The following TULP4 variants were observed in gnomAD, a reference collection of about 807,000 sequenced individuals.
The protein encoded by TULP4 is tubby-related protein 4.
TULP4 carries 16 observed loss-of-function variants against 129.0 expected under a neutral mutation model. The ratio of observed to expected loss-of-function variants is 0.12; its 90% confidence interval spans 0.08 to 0.19. TULP4 has a LOEUF of 0.19. TULP4 is among the 10% of genes least tolerant of loss of function. The pLI, the probability that TULP4 is intolerant of heterozygous loss-of-function variation, is 1.00. For missense variants in TULP4, 1,842 were observed against 2,059.1 expected, an observed-to-expected ratio of 0.89 and a Z score of 2.04; for synonymous variants, 998 against 854.0, an observed-to-expected ratio of 1.17 and a Z score of -2.94.
intron 1 of TULP4, among the ~76,000 whole-genome samples, chr6:158,397,368 G>T (rs1159735996): frequency 2.6e-5 from 4 of 152,210 alleles, no homozygotes; most frequent in African/African-American, 4.8e-5. Flanking sequence ...AATAGAGTAT[G>T]CGTGGAGACC....
intron 2 of TULP4, among the ~76,000 whole-genome samples, chr6:158,415,459 C>T (rs1394907189): frequency 6.6e-6 from 1 of 150,904 alleles, no homozygotes; most frequent in Non-Finnish European, 1.5e-5. Flanking sequence ...ACGCCATTCT[C>T]CTGCTTCAGC....
chr6:158,242,766 C>G (rs997642736), intron 1 of TULP4: 1 of 412,974 alleles, frequency 2.4e-6, no homozygotes, highest in Non-Finnish European at 4.6e-6. Flanking sequence ...CTGGCCGTAC[C>G]GGTTCACTTC....
At chr6:158,325,541 A>G (rs1779726598) in intron 1 of TULP4, among the ~76,000 whole-genome samples, 2 of 151,824 alleles carry the variant, frequency 1.3e-5, no homozygotes, top group Admixed American at 1.3e-4. Context: ...TTTAGTAGAG[A>G]CGGGATTTCA....
intron 1 of TULP4, among the ~76,000 whole-genome samples, chr6:158,387,799 A>T (rs550445265): frequency 6.6e-6 from 1 of 152,270 alleles, no homozygotes; most frequent in South Asian, 2.1e-4. Flanking sequence ...GATGAGCAAG[A>T]CTCTAAAGCC....
intron 1 of TULP4, among the ~76,000 whole-genome samples, chr6:158,299,048 A>G (rs887465008): frequency 6.6e-6 from 1 of 152,018 alleles, no homozygotes; most frequent in African/African-American, 2.4e-5. Flanking sequence ...TCCCCTTCCC[A>G]TACTTGCAGT....
At chr6:158,353,485 A>G (rs1583786684) in intron 1 of TULP4, among the ~76,000 whole-genome samples, 1 of 152,224 alleles carries the variant, frequency 6.6e-6, no homozygotes, top group East Asian at 1.9e-4. Flanking sequence ...AGGACAATAC[A>G]CATTTATATA....
At chr6:158,271,228 G>A (rs537691403) in intron 1 of TULP4, among the ~76,000 whole-genome samples, 3 of 151,688 alleles carry the variant, frequency 2.0e-5, no homozygotes, top group South Asian at 4.2e-4. Flanking sequence ...GCTCTGTTGA[G>A]TTTTGTTTCA....
At chr6:158,342,972 TGTGTGTGTGTGTG>T (rs1780216819) in intron 1 of TULP4, among the ~76,000 whole-genome samples, 4 of 151,440 alleles carry the variant, frequency 2.6e-5, no homozygotes, top group South Asian at 2.1e-4. Context: ...TGTGTGTGTG[TGTGTGTGTGTGTG>T]TAGGCACTGC....
At chr6:158,236,280 A>G (rs759219368) in intron 1 of TULP4, among the ~76,000 whole-genome samples, 1 of 152,256 alleles carries the variant, frequency 6.6e-6, no homozygotes, top group African/African-American at 2.4e-5. Context: ...CAGTGTCTGT[A>G]TAGTGAAGAA....
At chr6:158,350,006 T>TTCC (rs1453000243) in intron 1 of TULP4, among the ~76,000 whole-genome samples, 1 of 99,192 alleles carries the variant, frequency 1.0e-5, no homozygotes, top group Non-Finnish European at 2.0e-5. Flanking sequence ...CGCTCCTCAC[T>TTCC]TCCCAGGCGG....
At chr6:158,347,479 C>T (rs1230478584) in intron 1 of TULP4, among the ~76,000 whole-genome samples, 1 of 152,262 alleles carries the variant, frequency 6.6e-6, no homozygotes, top group East Asian at 1.9e-4. Flanking sequence ...TTTTAGTCCA[C>T]ATAACGGCCA....
At chr6:158,357,862 A>T (rs574546662) in intron 1 of TULP4, among the ~76,000 whole-genome samples, 1 of 152,228 alleles carries the variant, frequency 6.6e-6, no homozygotes, top group Admixed American at 6.5e-5. Flanking sequence ...TACGTGTCGT[A>T]TTGAGAAAGC....
Position 158,240,420 on chromosome 6 carries a change from C to T in TULP4, n.68+8117C>T, listed in dbSNP as rs1299164938. 1.3e-4 allele frequency among the ~76,000 whole-genome samples: 9 copies of T among 70,838 alleles called. 2 individuals carry two copies. The highest frequency in any genetic ancestry group is 5.0e-4 in the South Asian group (1 of 2,002). The allele number at this position is 70,838 out of a possible 152,430, so 46.5% of individuals were successfully genotyped here. On this transcript the variant is annotated intron_variant and non_coding_transcript_variant, in intron 1 of 1. Transcript: ENST00000620026. Reference sequence around the variant, plus strand: ...CTCCTCACTTCCCAGTAGGGGCGGCCGGGCAGAGGCGCCCCTCACCTCCCA... The same window carrying T: ...CTCCTCACTTCCCAGTAGGGGCGGCTGGGCAGAGGCGCCCCTCACCTCCCA...
At chr6:158,453,770 CAG>C (rs1779221370) in intron 5 of TULP4, among the ~76,000 whole-genome samples, 1 of 134,190 alleles carries the variant, frequency 7.5e-6, no homozygotes, top group South Asian at 2.4e-4. Context: ...GCCTGGATGA[CAG>C]AGCAGGACTC....
chr6:158,339,311 G>A (rs1292600538), intron 1 of TULP4, among the ~76,000 whole-genome samples: 2 of 152,148 alleles, frequency 1.3e-5, no homozygotes, highest in African/African-American at 2.4e-5. Flanking sequence ...CTTCAAGGGC[G>A]ACAAAAGATC....
intron 1 of TULP4, among the ~76,000 whole-genome samples, chr6:158,385,840 A>ATTTTTTTTT (rs1397821107): frequency 1.5e-4 from 5 of 34,022 alleles, no homozygotes; most frequent in South Asian, 1.1e-3. Flanking sequence ...AATGTGGAAT[A>ATTTTTTTTT]TCTTTTTTTT....
At chr6:158,449,872 C>T (rs1779129050) in intron 4 of TULP4, among the ~76,000 whole-genome samples, 1 of 152,018 alleles carries the variant, frequency 6.6e-6, no homozygotes, top group Non-Finnish European at 1.5e-5. Context: ...TCCCCTGCAC[C>T]CATCTCTTTT....
intron 1 of TULP4, among the ~76,000 whole-genome samples, chr6:158,349,267 C>T (rs1175498704): frequency 1.5e-5 from 2 of 130,666 alleles, no homozygotes; most frequent in African/African-American, 5.7e-5. Flanking sequence ...GGCAGAGGCG[C>T]TCCTCACCTC....
Position 158,330,182 on chromosome 6 carries a change from GGATT to G in TULP4, c.252+15915_252+15918del, listed in dbSNP as rs1390879054. 2.0e-5 allele frequency among the ~76,000 whole-genome samples: 3 copies of G among 152,012 alleles called. No individual in the cohort carries two copies. In the East Asian group the frequency reaches 5.8e-4, roughly 29 times the overall value. On this transcript the variant is annotated intron_variant, in intron 1 of 13. Transcript: ENST00000367097. ...TTTGAAATCTGGCACATCTCAATTT[GGATT>G]AGCCACACTGGCAAGTGCCCAGTTG...
Sources: gnomAD v4.1 joint callset for allele counts (sites outside exome capture counted in the v4.1 genomes callset) on GRCh38, gnomAD v4.1.1 for gene constraint, MANE v1.5 for transcripts, NCBI Gene and HGNC (gene_info 2026-07-23, HGNC 2026-07-21) for gene names.